The following ZNF124 variants were observed in gnomAD, a reference collection of about 807,000 sequenced individuals.
ZNF124 encodes zinc finger protein HZF-16.
ZNF124 carries 25 observed loss-of-function variants against 26.6 expected under a neutral mutation model. The observed-to-expected ratio is 0.94, with a 90% CI of 0.68 to 1.31. The LOEUF (loss-of-function observed/expected upper bound fraction) is 1.31. Ranked by LOEUF, ZNF124 falls within the 40% of genes most tolerant of loss-of-function variation. The pLI, the probability that ZNF124 is intolerant of heterozygous loss-of-function variation, is 0.00. For missense variants in ZNF124, 444 were observed against 422.2 expected (o/e 1.05, Z -0.45); for synonymous variants, 129 against 133.3 (o/e 0.97, Z 0.22).
intron 3 of ZNF124, among the ~76,000 whole-genome samples, chr1:247,148,156 A>ATGAGCACATTTAGAC (rs1179972586): frequency 2.6e-5 from 4 of 152,304 alleles, no homozygotes; most frequent in African/African-American, 9.6e-5. Flanking sequence ...GAATGAACAT[A>ATGAGCACATTTAGAC]TGAGCACATT....
At position 247,157,063 on chromosome 1, in the gene ZNF124, A is replaced by G. The variant is rs1673185098; in HGVS notation, c.559T>C (p.Phe187Leu). ...RYECKQCGKA[F>L]SRSSHLRDHE... is the part of the protein sequence containing the mutation. The stretch of plus-strand genomic sequence containing the variant: ...TCACGAAGGTGACTGGAACGACTGA[A>G]GGCTTTCCCACATTGCTTACATTCA... The change falls in exon 4 of 4, where the codon TTC becomes CTC. Residue 187 changes from phenylalanine (F) to leucine (L), a missense_variant. Transcript: ENST00000543802. 6.2e-7 allele frequency: 1 copy of G among 1,614,174 alleles called. No individual in the cohort carries two copies. Among genetic ancestry groups the G allele is most frequent in the Non-Finnish European group, 8.5e-7 (1 of 1,180,034 alleles).
chr1:247,162,950 CAGAA>C (rs1228189926), intron 1 of ZNF124, among the ~76,000 whole-genome samples: 5 of 152,126 alleles, frequency 3.3e-5, no homozygotes, highest in Non-Finnish European at 7.4e-5. Context: ...TGGACACCTA[CAGAA>C]CTCTTCACCA....
At chr1:247,169,586 TC>T (rs1157665407) in intron 1 of ZNF124, among the ~76,000 whole-genome samples, 1 of 151,764 alleles carries the variant, frequency 6.6e-6, no homozygotes, top group East Asian at 1.9e-4. Context: ...ATGCCCACCC[TC>T]CCCCAGAAAC....
chr1:247,156,356 G>T lies in ZNF124; in HGVS notation c.*210C>A. On this transcript the variant is annotated 3_prime_UTR_variant, in exon 4 of 4. Coordinates refer to ENST00000543802, the MANE Select transcript of ZNF124 (RefSeq NM_001297568.2). ...TAAACATTCATATGGATTTTCTTCA[G>T]TGAGTCCTTTCAAGTTTTCAAAAAG... 1 of 1,244,328 alleles carries T rather than the reference G, an allele frequency of 8.0e-7. No homozygotes were observed. Among genetic ancestry groups the T allele is most frequent in the Non-Finnish European group, 1.0e-6 (1 of 994,700 alleles). The allele number at this position is 1,244,328 out of a possible 1,614,324, so 77.1% of individuals were successfully genotyped here.
intron 3 of ZNF124, among the ~76,000 whole-genome samples, chr1:247,135,321 C>A (rs146727443): frequency 3.3e-5 from 5 of 152,004 alleles, no homozygotes; most frequent in East Asian, 3.9e-4. Context: ...AGAGAAGAAT[C>A]AAAAAGATAC....
At chr1:247,134,357 C>T (rs1347202997) in intron 3 of ZNF124, among the ~76,000 whole-genome samples, 1 of 152,126 alleles carries the variant, frequency 6.6e-6, no homozygotes, top group East Asian at 1.9e-4. Flanking sequence ...ATTCAGGAGA[C>T]CTATCTTATG....
chr1:247,151,595 G>A (rs1672946606), downstream of ZNF124, among the ~76,000 whole-genome samples: 1 of 151,906 alleles, frequency 6.6e-6, no homozygotes, highest in African/African-American at 2.4e-5. Context: ...TTGGAAAACT[G>A]GTAATATCAC....
At chr1:247,134,602 A>G (rs1014273312) in intron 3 of ZNF124, among the ~76,000 whole-genome samples, 1 of 152,248 alleles carries the variant, frequency 6.6e-6, no homozygotes, top group Non-Finnish European at 1.5e-5. Flanking sequence ...CCAGATGCAT[A>G]AAACAAGTTC....
intron 3 of ZNF124, among the ~76,000 whole-genome samples, chr1:247,148,700 C>A (rs1572072349): frequency 1.3e-5 from 2 of 152,278 alleles, no homozygotes; most frequent in Admixed American, 1.3e-4. Flanking sequence ...GTGGCTCACG[C>A]CTGTAATCCC....
intron 3 of ZNF124, among the ~76,000 whole-genome samples, chr1:247,143,251 A>G (rs1672674309): frequency 6.6e-6 from 1 of 152,196 alleles, no homozygotes; most frequent in Admixed American, 6.5e-5. Context: ...ATATATAATA[A>G]TACTAAGTTA....
Position 247,157,053 on chromosome 1 carries a change from G to A in ZNF124, c.569C>T (p.Ser190Phe). 1 of 1,613,922 alleles carries A rather than the reference G, an allele frequency of 6.2e-7. No individual in the cohort carries two copies. Among genetic ancestry groups the A allele is most frequent in the Non-Finnish European group, 8.5e-7 (1 of 1,179,940 alleles). ...CKQCGKAFSR[S>F]SHLRDHERTH... The stretch of plus-strand genomic sequence containing the variant: ...TCTTTCATGGTCACGAAGGTGACTG[G>A]AACGACTGAAGGCTTTCCCACATTG... The change falls in exon 4 of 4, where the codon TCC becomes TTC. Residue 190 changes from serine (S) to phenylalanine (F), a missense_variant. Ser to Phe is a radical substitution (Grantham distance 155). Coordinates refer to ENST00000543802, the MANE Select transcript of ZNF124 (RefSeq NM_001297568.2).
In ZNF124 at chr1:247,157,006, A is replaced by C; in HGVS notation, c.616T>G (p.Tyr206Asp). 1 of 1,614,078 alleles carries C rather than the reference A, an allele frequency of 6.2e-7. No individual in the cohort carries two copies. Among genetic ancestry groups the C allele is most frequent in the Non-Finnish European group, 8.5e-7 (1 of 1,179,986 alleles). The change falls in exon 4 of 4, where the codon TAT becomes GAT. Residue 206 changes from tyrosine to aspartate, a missense_variant. Tyr to Asp is a radical substitution (Grantham distance 160, BLOSUM62 -3). Coordinates refer to ENST00000543802, the MANE Select transcript of ZNF124 (RefSeq NM_001297568.2). ...HERTHTGEKPYECKHCGKAFR... is the reference protein window; with the variant it reads ...HERTHTGEKPDECKHCGKAFR... ...GCTTTCCCACAGTGCTTACATTCAT[A>C]GGGTTTCTCTCCAGTATGAGTTCTT...
chr1:247,136,959 A>T (rs1180162490), intron 3 of ZNF124, among the ~76,000 whole-genome samples: 1 of 151,848 alleles, frequency 6.6e-6, no homozygotes, highest in African/African-American at 2.4e-5. Flanking sequence ...AAAAAAAAAA[A>T]ATTATATGGA....
At chr1:247,151,191 T>C (rs1490076184), downstream of ZNF124, among the ~76,000 whole-genome samples, 1 of 152,060 alleles carries the variant, frequency 6.6e-6, no homozygotes, top group Non-Finnish European at 1.5e-5. Flanking sequence ...GAAAATACCA[T>C]GTGTTGGGCT....
At chr1:247,125,352 G>T (rs1471990266) in intron 3 of ZNF124, among the ~76,000 whole-genome samples, 1 of 150,738 alleles carries the variant, frequency 6.6e-6, no homozygotes, top group Non-Finnish European at 1.5e-5. Context: ...TTCCAGAGTG[G>T]CTGCGCCATT....
chr1:247,156,489 C>G lies in ZNF124; in HGVS notation c.*77G>C. The G allele has an allele frequency of 7.0e-7, 1 of 1,429,668 alleles. No homozygotes were observed. Among genetic ancestry groups the G allele is most frequent in the Non-Finnish European group, 9.2e-7 (1 of 1,090,698 alleles). The allele number at this position is 1,429,668 out of a possible 1,614,324, so 88.6% of individuals were successfully genotyped here. A position where few individuals can be genotyped will look rare whatever the true frequency, so the allele number is the denominator to read the frequency against. On this transcript the variant is annotated 3_prime_UTR_variant, in exon 4 of 4. Coordinates refer to ENST00000543802, the MANE Select transcript of ZNF124 (RefSeq NM_001297568.2). ...AAATCTGGGAAAATTAAGTACTTTC[C>G]TACACCTTACATTCACAGTTTCTCT...
intron 1 of ZNF124, among the ~76,000 whole-genome samples, chr1:247,169,089 C>T (rs73138000): frequency 0.029 from 4,440 of 151,842 alleles, 235 homozygotes; most frequent in African/African-American, 0.1. Context: ...CTTTCTTTGC[C>T]TCTTTGTAAA....
chr1:247,138,353 C>T (rs889635717), intron 3 of ZNF124: 11 of 161,282 alleles, frequency 6.8e-5, no homozygotes, highest in African/African-American at 2.6e-4. Context: ...TCATCATCCT[C>T]AGCAAACACA....
chr1:247,159,022 A>T lies in ZNF124; in HGVS notation c.202T>A (p.Ser68Thr). The T allele has an allele frequency of 1.2e-6, 2 of 1,613,534 alleles. No homozygotes were observed. The highest frequency in any genetic ancestry group is 1.7e-6 in the Non-Finnish European group (2 of 1,179,834). The change falls in exon 3 of 4, where the codon TCT (serine) becomes ACT (threonine). Residue 68 changes from serine to threonine, a missense_variant. Physicochemically the swap from Ser to Thr is moderately conservative, Grantham distance 58. Coordinates refer to ENST00000543802, the MANE Select transcript of ZNF124 (RefSeq NM_001297568.2). ...GCAAATTACCTTAGATTTCTTGAAG[A>T]ATTTTTGTACTGATCTTCAATGCTC... ...DQSIEDQYKN[S>T]SRNLRHIISH...
Sources: allele counts gnomAD v4.1 joint callset (sites outside exome capture counted in the v4.1 genomes callset), GRCh38; gene constraint gnomAD v4.1.1; transcripts MANE v1.5; gene names NCBI Gene and HGNC (gene_info 2026-07-23, HGNC 2026-07-21).